SH3D19: variants seen among roughly 807,000 people sequenced by gnomAD.
SH3D19 encodes the protein SH3 domain-containing protein 19.
A neutral mutation model predicts 112.1 loss-of-function variants in SH3D19; 58 were observed. The observed-to-expected ratio is 0.52, with a 90% CI of 0.42 to 0.64. The LOEUF is 0.64. Among genes scored for constraint, SH3D19 ranks in the 30% least tolerant of loss-of-function variants. The probability of loss-of-function intolerance (pLI) is 0.00; values close to 1 mark genes in which losing one functional copy is unlikely to be tolerated. For missense variants in SH3D19, 1,090 were observed against 1,263.4 expected, an observed-to-expected ratio of 0.86 and a Z score of 2.08; for synonymous variants, 391 against 448.5, an observed-to-expected ratio of 0.87 and a Z score of 1.62.
rs779996281 is a variant in SH3D19, at chr4:151,279,940, C to G, written c.112+45301G>C. 3.1e-5 allele frequency: 50 copies of G among 1,609,232 alleles called. No homozygotes were observed. The highest frequency in any genetic ancestry group is 4.2e-5 in the Non-Finnish European group (50 of 1,177,808). ...GTCAGTGAGAGGTTGATACTGACAG[C>G]AGCACACTGCATACAACCGTGAGTT... On this transcript the variant is annotated intron_variant, in intron 1 of 19. Coordinates refer to ENST00000604030, the MANE Select transcript of SH3D19 (RefSeq NM_001378122.1).
At chr4:151,316,630 A>T (rs1248043811) in intron 1 of SH3D19, among the ~76,000 whole-genome samples, 3 of 151,772 alleles carry the variant, frequency 2.0e-5, no homozygotes, top group East Asian at 1.9e-4. Flanking sequence ...CTTGGAACAA[A>T]TTTTTTTTCC....
chr4:151,318,672 G>T (rs1414399286), intron 1 of SH3D19, among the ~76,000 whole-genome samples: 3 of 152,200 alleles, frequency 2.0e-5, no homozygotes, highest in African/African-American at 7.2e-5. Context: ...GCTTGGCCAT[G>T]TTCTAAGGAC....
rs555081862 is a variant in SH3D19 at position 151,217,688 on chromosome 4, G to A, written c.152+8359C>T. The stretch of plus-strand genomic sequence containing the variant: ...AATCTATCTTGGAAGAACAATAAAG[G>A]TTTTCCTACACATCTATACACAAAG... On this transcript the variant is annotated intron_variant, in intron 2 of 19. Coordinates refer to ENST00000604030, the MANE Select transcript of SH3D19 (RefSeq NM_001378122.1). Among the ~76,000 whole-genome samples, 5 of 151,994 alleles carry A rather than the reference G, an allele frequency of 3.3e-5. No homozygotes were observed. In the South Asian group the frequency reaches 8.3e-4, roughly 25 times the overall value.
intron 2 of SH3D19, among the ~76,000 whole-genome samples, chr4:151,204,867 CTGG>C (rs1764878161): frequency 6.6e-6 from 1 of 152,112 alleles, no homozygotes; most frequent in Non-Finnish European, 1.5e-5. Flanking sequence ...GTCACCCAAG[CTGG>C]AGTGCAGTGG....
At chr4:151,227,289 G>A (rs1040598790) in intron 1 of SH3D19, among the ~76,000 whole-genome samples, 4 of 152,146 alleles carry the variant, frequency 2.6e-5, no homozygotes, top group Admixed American at 6.5e-5. Flanking sequence ...ACAGTTAAAC[G>A]TATGTAACAA....
intron 1 of SH3D19, among the ~76,000 whole-genome samples, chr4:151,308,380 T>G (rs1364217722): frequency 6.6e-6 from 1 of 152,180 alleles, no homozygotes; most frequent in Admixed American, 6.5e-5. Flanking sequence ...CTACCAACTT[T>G]ACCCTCTTTC....
chr4:151,144,228 A>G (rs1303061532), intron 11 of SH3D19, 178 bp from the exon 12 acceptor site: 1 of 1,613,984 alleles, frequency 6.2e-7, no homozygotes, highest in East Asian at 2.2e-5. Flanking sequence ...ACCTTACAAG[A>G]GAGTTCTCCG....
In SH3D19 at chr4:151,131,689, C is replaced by T. The variant is rs923906135; in HGVS notation, c.2742+642G>A. Among the ~76,000 whole-genome samples, 7 of 152,146 alleles carry T rather than the reference C, an allele frequency of 4.6e-5. No individual in the cohort carries two copies. In the South Asian group the frequency reaches 6.2e-4, roughly 14 times the overall value. On this transcript the variant is annotated intron_variant, in intron 17 of 19. Transcript: ENST00000604030. ...ATTTTTAGTAGAGACGGGGTTTCACCGTGTTAGCCAGGGTGGTCTCGATCC... is the reference window on the plus strand; with the variant it reads ...ATTTTTAGTAGAGACGGGGTTTCACTGTGTTAGCCAGGGTGGTCTCGATCC...
At chr4:151,289,141 T>C (rs1215478034) in intron 1 of SH3D19, among the ~76,000 whole-genome samples, 1 of 152,220 alleles carries the variant, frequency 6.6e-6, no homozygotes, top group Admixed American at 6.5e-5. Context: ...GAACAAATAA[T>C]AGTCATTTCA....
Position 151,189,506 on chromosome 4 carries a change from G to A in SH3D19, c.153-2043C>T, listed in dbSNP as rs573340686. 2.0e-3 allele frequency among the ~76,000 whole-genome samples: 306 copies of A among 152,302 alleles called. 1 individual carries two copies. The highest frequency in any genetic ancestry group is 7.0e-3 in the African/African-American group (292 of 41,558). On this transcript the variant is annotated intron_variant, in intron 2 of 19. Coordinates refer to ENST00000604030, the MANE Select transcript of SH3D19 (RefSeq NM_001378122.1). The stretch of plus-strand genomic sequence containing the variant: ...ATTGTAACTCCCACAATTCCGTGTC[G>A]TGGGATGAACCTGGTTGGAGGTGAT...
At chr4:151,288,319 A>G (rs1224734014) in intron 1 of SH3D19, among the ~76,000 whole-genome samples, 2 of 152,252 alleles carry the variant, frequency 1.3e-5, no homozygotes, top group African/African-American at 4.8e-5. Flanking sequence ...CAGATTGCAA[A>G]GAAACAGTAA....
intron 1 of SH3D19, among the ~76,000 whole-genome samples, chr4:151,301,186 T>C (rs1481516240): frequency 1.3e-5 from 2 of 152,188 alleles, no homozygotes; most frequent in Admixed American, 6.5e-5. Flanking sequence ...CCATCCCCCA[T>C]TGGGGCTGTT....
intron 1 of SH3D19, among the ~76,000 whole-genome samples, chr4:151,242,480 C>G (rs1256133352): frequency 6.6e-6 from 1 of 152,280 alleles, no homozygotes; most frequent in East Asian, 1.9e-4. Context: ...AAGGGCAGAG[C>G]TGAGACTGGA....
intron 2 of SH3D19, among the ~76,000 whole-genome samples, chr4:151,195,934 A>T (rs1763393688): frequency 6.6e-6 from 1 of 151,700 alleles, no homozygotes; most frequent in African/African-American, 2.4e-5. Flanking sequence ...AAAAAAAAAA[A>T]AAAAAGAAAA....
rs1361090144 is a variant in SH3D19, at chr4:151,138,690, A to T, written c.2297-828T>A. ...GCGACAGAGCAAGATCTTGTCTCAC[A>T]CACACACACACACACACACACACAC... On this transcript the variant is annotated intron_variant, in intron 13 of 19. Coordinates refer to ENST00000604030, the MANE Select transcript of SH3D19 (RefSeq NM_001378122.1). 7.6e-4 allele frequency among the ~76,000 whole-genome samples: 21 copies of T among 27,488 alleles called. No homozygotes were observed. The African/African-American group carries it at 8.2e-3, about 11-fold the overall frequency. The allele number at this position is 27,488 out of a possible 152,430, so 18.0% of individuals were successfully genotyped here. A position where few individuals can be genotyped will look rare whatever the true frequency, so the allele number is the denominator to read the frequency against.
At chr4:151,127,840 A>G in intron 18 of SH3D19, 125 bp from the exon 19 acceptor site, 1 of 500,022 alleles carries the variant, frequency 2.0e-6, no homozygotes, top group Non-Finnish European at 3.5e-6. Flanking sequence ...AGGTAGTGAT[A>G]TTAGGCAAAG....
At chr4:151,206,252 T>C (rs1412785640) in intron 2 of SH3D19, among the ~76,000 whole-genome samples, 2 of 152,162 alleles carry the variant, frequency 1.3e-5, no homozygotes, top group Non-Finnish European at 2.9e-5. Context: ...TGATAGGATA[T>C]TTATAGGTCT....
intron 8 of SH3D19, among the ~76,000 whole-genome samples, chr4:151,161,056 T>C (rs1381671681): frequency 6.6e-6 from 1 of 152,130 alleles, no homozygotes; most frequent in Non-Finnish European, 1.5e-5. Context: ...AGAAAGGAGA[T>C]AGCTTACTGG....
intron 7 of SH3D19, among the ~76,000 whole-genome samples, chr4:151,168,601 A>G (rs941455288): frequency 6.6e-6 from 1 of 151,608 alleles, no homozygotes; most frequent in Non-Finnish European, 1.5e-5. Flanking sequence ...TGCCTGGCTA[A>G]TTTTTATTTT....
Sources: gnomAD v4.1 joint callset for allele counts (sites outside exome capture counted in the v4.1 genomes callset) on GRCh38, gnomAD v4.1.1 for gene constraint, MANE v1.5 for transcripts, NCBI Gene and HGNC (gene_info 2026-07-23, HGNC 2026-07-21) for gene names.